CAMTA1: variants seen among roughly 807,000 people sequenced by gnomAD.
The protein encoded by CAMTA1 is calmodulin binding transcription activator 1.
CAMTA1 carries 27 observed loss-of-function variants against 170.9 expected under a neutral mutation model. That is an observed-to-expected ratio of 0.16 (90% CI 0.12 to 0.22). The LOEUF (loss-of-function observed/expected upper bound fraction) is 0.22, where lower values mean the gene tolerates loss of function less well. Ranked by LOEUF, CAMTA1 falls within the 10% of genes least tolerant of loss-of-function variation. The probability of loss-of-function intolerance (pLI) is 1.00; values close to 1 mark genes in which losing one functional copy is unlikely to be tolerated. For missense variants in CAMTA1, 1,619 were observed against 2,217.2 expected, an observed-to-expected ratio of 0.73 and a Z score of 5.42; for synonymous variants, 833 against 891.5, an observed-to-expected ratio of 0.93 and a Z score of 1.17.
chr1:7,211,085 C>T, intron 4 of CAMTA1, among the ~76,000 whole-genome samples: 1 of 152,130 alleles, frequency 6.6e-6, no homozygotes, highest in East Asian at 1.9e-4. Flanking sequence ...TTTTATTATG[C>T]TGTCTTTATC....
intron 4 of CAMTA1, among the ~76,000 whole-genome samples, chr1:7,197,659 C>CAT (rs1327959431): frequency 2.1e-5 from 3 of 140,180 alleles, no homozygotes; most frequent in Non-Finnish European, 4.5e-5. Flanking sequence ...CACACACACA[C>CAT]ACACACACAC....
chr1:7,387,941 G>A lies in CAMTA1; in HGVS notation c.439-79889G>A, dbSNP rs137927258. Among the ~76,000 whole-genome samples, 52 of 152,150 alleles carry A rather than the reference G, an allele frequency of 3.4e-4. No homozygotes were observed. In the East Asian group the frequency reaches 5.2e-3, roughly 15 times the overall value. On this transcript the variant is annotated intron_variant, in intron 5 of 22. Coordinates refer to ENST00000303635, the MANE Select transcript of CAMTA1 (RefSeq NM_015215.4). ...GAAAGCCCCTTTTTGTTGTTGGAGC[G>A]GTTTACTGGGGGAGGCCTTCAGAAT...
At chr1:6,824,994 A>G (rs1480227800) in intron 2 of CAMTA1, 98 bp from the exon 3 acceptor site, 6 of 649,402 alleles carry the variant, frequency 9.2e-6, no homozygotes, top group Admixed American at 3.1e-5. Flanking sequence ...TTGGTCTCAC[A>G]TTGACTAAAC....
At chr1:6,974,847 C>A (rs556520065) in intron 3 of CAMTA1, among the ~76,000 whole-genome samples, 2 of 152,212 alleles carry the variant, frequency 1.3e-5, no homozygotes, top group Non-Finnish European at 1.5e-5. Flanking sequence ...TGGGCTTAGA[C>A]GGCCTTTTGC....
At chr1:7,124,943 G>A (rs746028017) in intron 4 of CAMTA1, among the ~76,000 whole-genome samples, 2 of 152,126 alleles carry the variant, frequency 1.3e-5, no homozygotes, top group Non-Finnish European at 2.9e-5. Context: ...TTTTGTCGGG[G>A]GAAGTTTTCC....
intron 3 of CAMTA1, among the ~76,000 whole-genome samples, chr1:6,947,319 T>C (rs1179576213): frequency 6.6e-6 from 1 of 152,202 alleles, no homozygotes; most frequent in Admixed American, 6.5e-5. Context: ...TATTTGTATA[T>C]GGGAATGCAT....
intron 5 of CAMTA1, among the ~76,000 whole-genome samples, chr1:7,284,521 A>G (rs938111114): frequency 9.2e-5 from 14 of 152,026 alleles, no homozygotes; most frequent in Non-Finnish European, 1.6e-4. Flanking sequence ...TTATTTTGCT[A>G]TTGTTATCTG....
At position 7,665,027 on chromosome 1, in the gene CAMTA1, A is replaced by G; in HGVS notation, c.2480A>G (p.Gln827Arg). 6.3e-7 allele frequency: 1 copy of G among 1,591,384 alleles called. No individual in the cohort carries two copies. Among genetic ancestry groups the G allele is most frequent in the Non-Finnish European group, 8.6e-7 (1 of 1,167,982 alleles). The change falls in exon 9 of 23, where the codon CAG (glutamine) becomes CGG (arginine). Residue 827 changes from glutamine (Q) to arginine (R), a missense_variant. Physicochemically the swap from Gln to Arg is conservative, Grantham distance 43 (BLOSUM62 1). Coordinates refer to ENST00000303635, the MANE Select transcript of CAMTA1 (RefSeq NM_015215.4). The surrounding 1 kb of genome is among the most constrained non-coding windows in gnomAD (Gnocchi z 4.3). ...AEMCLPCCSP[Q>R]QGSLQLSSSE... Reference sequence around the variant, plus strand: ...ATGTGCCTCCCCTGCTGTAGCCCCCAGCAGGGTAGCCTGCAGCTGAGCAGC... The same window carrying G: ...ATGTGCCTCCCCTGCTGTAGCCCCCGGCAGGGTAGCCTGCAGCTGAGCAGC...
intron 4 of CAMTA1, among the ~76,000 whole-genome samples, chr1:7,192,746 G>A (rs1654777246): frequency 6.6e-6 from 1 of 152,208 alleles, no homozygotes; most frequent in Admixed American, 6.5e-5. Context: ...GAAGGAGCGA[G>A]CCTAGTGGGA....
intron 6 of CAMTA1, among the ~76,000 whole-genome samples, chr1:7,621,864 T>G (rs2095600675): frequency 6.6e-6 from 1 of 152,194 alleles, no homozygotes; most frequent in East Asian, 1.9e-4. Context: ...GCAAAATTCC[T>G]GGCACCAGCT....
intron 6 of CAMTA1, among the ~76,000 whole-genome samples, chr1:7,542,879 G>GTGTGTGTGTGT (rs1459264062): frequency 2.2e-5 from 3 of 138,166 alleles, no homozygotes; most frequent in African/African-American, 2.8e-5. Flanking sequence ...GTGTGTGTGT[G>GTGTGTGTGTGT]TTTGAGCCGG....
At chr1:7,264,817 C>G (rs1432391008) in intron 5 of CAMTA1, among the ~76,000 whole-genome samples, 2 of 152,172 alleles carry the variant, frequency 1.3e-5, no homozygotes, top group Non-Finnish European at 2.9e-5. Context: ...GCACGGCCAC[C>G]TTTTTATTTA....
intron 3 of CAMTA1, among the ~76,000 whole-genome samples, chr1:6,929,965 T>C (rs1684094304): frequency 6.6e-6 from 1 of 152,166 alleles, no homozygotes; most frequent in Non-Finnish European, 1.5e-5. Context: ...TTCAATGTGG[T>C]CTTGACCGTG....
intron 4 of CAMTA1, among the ~76,000 whole-genome samples, chr1:7,157,912 C>A (rs1646987515): frequency 6.6e-6 from 1 of 152,164 alleles, no homozygotes; most frequent in Non-Finnish European, 1.5e-5. Context: ...GTAATCCCAG[C>A]ACTTTGGGAG....
At chr1:7,379,731 T>C (rs546382700) in intron 5 of CAMTA1, among the ~76,000 whole-genome samples, 2 of 152,348 alleles carry the variant, frequency 1.3e-5, no homozygotes, top group East Asian at 1.9e-4. Flanking sequence ...AAAAGGGGAC[T>C]GAACTCCTTC....
intron 6 of CAMTA1, among the ~76,000 whole-genome samples, chr1:7,498,814 TAG>T (rs1046888411): frequency 7.5e-5 from 11 of 146,768 alleles, no homozygotes; most frequent in African/African-American, 2.0e-4. Context: ...TACATGTGTG[TAG>T]AGAGGATGGT....
Position 7,768,189 on chromosome 1 carries a change from T to A in CAMTA1, c.*1698T>A, listed in dbSNP as rs2097034887. The A allele has an allele frequency of 7.0e-6, 1 of 143,772 alleles. No homozygotes were observed. 8.9% of individuals were successfully genotyped at this position (143,772 alleles called of 1,614,324 possible). A position where few individuals can be genotyped will look rare whatever the true frequency, so the allele number is the denominator to read the frequency against. On this transcript the variant is annotated 3_prime_UTR_variant, in exon 23 of 23. Transcript: ENST00000303635. Reference sequence around the variant, plus strand: ...AATGTCACGTTTCCATATCTCCTGCTGGAAATCAGAAAATATAATAAAATT... The same window carrying A: ...AATGTCACGTTTCCATATCTCCTGCAGGAAATCAGAAAATATAATAAAATT...
intron 2 of CAMTA1, among the ~76,000 whole-genome samples, chr1:6,821,757 C>T (rs183740475): frequency 3.3e-5 from 5 of 152,198 alleles, no homozygotes; most frequent in African/African-American, 9.6e-5. Context: ...AGGAAAAGGT[C>T]AAATACATTT....
intron 6 of CAMTA1, among the ~76,000 whole-genome samples, chr1:7,605,761 G>C (rs1444939614): frequency 6.6e-6 from 1 of 152,214 alleles, no homozygotes; most frequent in Non-Finnish European, 1.5e-5. Context: ...GAAATCACCT[G>C]TCTTCTGCGT....
Sources: gnomAD v4.1 joint callset for allele counts (sites outside exome capture counted in the v4.1 genomes callset) on GRCh38, gnomAD v4.1.1 for gene constraint, Gnocchi (gnomAD v3.1) non-coding constraint, MANE v1.5 for transcripts, NCBI Gene and HGNC (gene_info 2026-07-23, HGNC 2026-07-21) for gene names.